Variants in BRINP1 observed in about 807,000 individuals in gnomAD.
BRINP1 encodes the protein BMP/retinoic acid inducible neural specific 1.
In BRINP1, 17 loss-of-function variants were observed where a neutral mutation model predicts 72.9. The ratio of observed to expected loss-of-function variants is 0.23; its 90% confidence interval spans 0.16 to 0.35. BRINP1 has a LOEUF of 0.35. Among genes scored for constraint, BRINP1 ranks in the 10% least tolerant of loss-of-function variants. BRINP1 has a pLI of 1.00. For synonymous variants in BRINP1, 418 were observed against 378.5 expected, an observed-to-expected ratio of 1.10 and a Z score of -1.21; for missense variants, 850 against 1,001.6, an observed-to-expected ratio of 0.85 and a Z score of 2.04.
chr9:119,260,979 T>A (rs1830489368), intron 2 of BRINP1, among the ~76,000 whole-genome samples: 1 of 152,100 alleles, frequency 6.6e-6, no homozygotes, highest in African/African-American at 2.4e-5. Context: ...AAAACTGAAA[T>A]GACTAGGAAT....
At chr9:119,309,522 TAG>T (rs1564244624) in intron 2 of BRINP1, among the ~76,000 whole-genome samples, 2 of 152,202 alleles carry the variant, frequency 1.3e-5, no homozygotes, top group African/African-American at 4.8e-5. Flanking sequence ...AATATATGTA[TAG>T]TCTTAACAGA....
chr9:119,201,103 A>C (rs1290488467), intron 7 of BRINP1, among the ~76,000 whole-genome samples: 1 of 152,212 alleles, frequency 6.6e-6, no homozygotes, highest in African/African-American at 2.4e-5. Flanking sequence ...GTAACCAAAA[A>C]GTTTTAAACA....
At chr9:119,213,838 G>C (rs547074871) in intron 6 of BRINP1, 81 bp downstream of exon 6, 8 of 1,254,756 alleles carry the variant, frequency 6.4e-6, no homozygotes, top group Non-Finnish European at 9.3e-6. Context: ...CCTTGCAGCA[G>C]TCCTAATTCC....
chr9:119,234,667 GT>G (rs200548899), intron 5 of BRINP1, among the ~76,000 whole-genome samples: 1 of 151,366 alleles, frequency 6.6e-6, no homozygotes, highest in South Asian at 2.1e-4. Context: ...TATACTTAGT[GT>G]TTTTTTGCAT....
At chr9:119,231,403 T>G (rs923102085) in intron 5 of BRINP1, among the ~76,000 whole-genome samples, 3 of 152,124 alleles carry the variant, frequency 2.0e-5, no homozygotes, top group Admixed American at 2.0e-4. Context: ...GTATCAATTT[T>G]TCCCTCTCTA....
At chr9:119,291,596 C>T (rs1223318741) in intron 2 of BRINP1, among the ~76,000 whole-genome samples, 2 of 152,182 alleles carry the variant, frequency 1.3e-5, no homozygotes, top group African/African-American at 4.8e-5. Context: ...CATATGTTTA[C>T]AAGCTTCCTG....
intron 4 of BRINP1, 65 bp downstream of exon 4, chr9:119,241,982 G>A: frequency 6.6e-7 from 1 of 1,521,320 alleles, no homozygotes; most frequent in Non-Finnish European, 9.0e-7. Flanking sequence ...TCCACTCTCA[G>A]AATGCCTGCA....
intron 1 of BRINP1, among the ~76,000 whole-genome samples, chr9:119,358,310 G>A (rs1357344575): frequency 1.3e-5 from 2 of 150,578 alleles, no homozygotes; most frequent in East Asian, 3.9e-4. Context: ...CAAATCAAAA[G>A]TGAGATGGGC....
chr9:119,186,489 C>T (rs1829621988), intron 7 of BRINP1, among the ~76,000 whole-genome samples: 2 of 152,246 alleles, frequency 1.3e-5, no homozygotes, highest in South Asian at 2.1e-4. Flanking sequence ...TGCTCCAGCC[C>T]AGCAGAAAAG....
At chr9:119,243,924 C>T (rs1390997549) in intron 3 of BRINP1, among the ~76,000 whole-genome samples, 1 of 152,092 alleles carries the variant, frequency 6.6e-6, no homozygotes, top group Middle Eastern at 3.2e-3. Context: ...AGAGTGGGCA[C>T]CTGCATCCTG....
chr9:119,294,348 T>C (rs1383257802), intron 2 of BRINP1, among the ~76,000 whole-genome samples: 3 of 151,944 alleles, frequency 2.0e-5, no homozygotes, highest in Non-Finnish European at 2.9e-5. Context: ...CTGGCCAATA[T>C]AGTGAAACCC....
At chr9:119,237,693 G>A (rs1268477657) in intron 5 of BRINP1, among the ~76,000 whole-genome samples, 1 of 151,182 alleles carries the variant, frequency 6.6e-6, no homozygotes, top group African/African-American at 2.4e-5. Context: ...ACAGAGTCTT[G>A]CTCTGTCGCC....
At chr9:119,170,788 A>T (rs1829397948) in intron 7 of BRINP1, among the ~76,000 whole-genome samples, 1 of 139,738 alleles carries the variant, frequency 7.2e-6, no homozygotes, top group Non-Finnish European at 1.5e-5. Flanking sequence ...ATCTCTCGGC[A>T]GAAACCCTAC....
chr9:119,208,793 T>C lies in BRINP1; in HGVS notation c.1071A>G (p.Gln357=). Reference sequence around the variant, plus strand: ...GGCCGAAAAGCTTGCGGGCAGTGCGTTGGATCTTTTGTCTCTGTGCCTCCG... The same window carrying C: ...GGCCGAAAAGCTTGCGGGCAGTGCGCTGGATCTTTTGTCTCTGTGCCTCCG... ...SATEAQRQKI[Q]RTARKLFGLS... Residue 357 remains glutamine, a synonymous_variant, in exon 7 of 8, where the codon CAA becomes CAG. Coordinates refer to ENST00000265922, the MANE Select transcript of BRINP1 (RefSeq NM_014618.3). 1 of 1,614,176 alleles carries C rather than the reference T, an allele frequency of 6.2e-7. No individual in the cohort carries two copies. The highest frequency in any genetic ancestry group is 1.7e-5 in the Admixed American group (1 of 60,026).
chr9:119,197,877 C>T (rs984349130), intron 7 of BRINP1, among the ~76,000 whole-genome samples: 8 of 152,088 alleles, frequency 5.3e-5, no homozygotes, highest in Admixed American at 1.3e-4. Context: ...ATGTGAATTG[C>T]TTTTTTCTGT....
chr9:119,229,263 C>A (rs1588170965), intron 5 of BRINP1, among the ~76,000 whole-genome samples: 1 of 151,974 alleles, frequency 6.6e-6, no homozygotes, highest in Non-Finnish European at 1.5e-5. Context: ...ATAAATAAAG[C>A]AAATATTTTG....
At chr9:119,307,868 G>A (rs1587955441) in intron 2 of BRINP1, among the ~76,000 whole-genome samples, 1 of 152,260 alleles carries the variant, frequency 6.6e-6, no homozygotes, top group Admixed American at 6.5e-5. Context: ...CCATGTGCAG[G>A]TCTATATCAT....
At chr9:119,292,188 A>G (rs1457514386) in intron 2 of BRINP1, among the ~76,000 whole-genome samples, 1 of 152,204 alleles carries the variant, frequency 6.6e-6, no homozygotes, top group Non-Finnish European at 1.5e-5. Context: ...AGTCCACTTA[A>G]CAAATGAGAT....
At chr9:119,176,170 CTCAGAG>C (rs1244391165) in intron 7 of BRINP1, among the ~76,000 whole-genome samples, 7 of 152,138 alleles carry the variant, frequency 4.6e-5, no homozygotes, top group South Asian at 2.1e-4. Flanking sequence ...GAAAGGACTG[CTCAGAG>C]TCAAACAAAC....
Sources: gnomAD v4.1 joint callset for allele counts (sites outside exome capture counted in the v4.1 genomes callset) on GRCh38, gnomAD v4.1.1 for gene constraint, MANE v1.5 for transcripts, NCBI Gene and HGNC (gene_info 2026-07-23, HGNC 2026-07-21) for gene names.